USH2A: variants seen among roughly 807,000 people sequenced by gnomAD.
The protein encoded by USH2A is usherin.
In USH2A, 443 loss-of-function variants were observed where a neutral mutation model predicts 538.9. The observed-to-expected ratio is 0.82, with a 90% CI of 0.76 to 0.89. The LOEUF (loss-of-function observed/expected upper bound fraction) is 0.89, where lower values mean the gene tolerates loss of function less well. Ranked by LOEUF, USH2A falls within the 40% of genes least tolerant of loss-of-function variation. The probability of loss-of-function intolerance (pLI) is 0.00; values close to 1 mark genes in which losing one functional copy is unlikely to be tolerated. For synonymous variants in USH2A, 2,413 were observed against 2,273.5 expected (o/e 1.06, Z -1.75); for missense variants, 6,633 against 6,324.8 (o/e 1.05, Z -1.65).
intron 11 of USH2A, among the ~76,000 whole-genome samples, chr1:216,288,235 G>A (rs908057251): frequency 6.6e-6 from 1 of 152,090 alleles, no homozygotes; most frequent in Non-Finnish European, 1.5e-5. Flanking sequence ...ATGGAAAACT[G>A]TAGTATGACT....
Position 215,850,223 on chromosome 1 carries a change from T to G in USH2A, c.8846-4190A>C, listed in dbSNP as rs1434239537. 2.0e-5 allele frequency among the ~76,000 whole-genome samples: 3 copies of G among 152,092 alleles called. No individual in the cohort carries two copies. In the East Asian group the frequency reaches 5.8e-4, roughly 29 times the overall value. ...CAAGAAAAGTAACAGCATATTAAGT[T>G]CTTTATTACATATAAAATAGAATGG... On this transcript the variant is annotated intron_variant, in intron 44 of 71. Transcript: ENST00000307340.
chr1:215,782,278 G>T, intron 53 of USH2A, 82 bp from the exon 54 acceptor site: 1 of 1,444,300 alleles, frequency 6.9e-7, no homozygotes, highest in Admixed American at 1.7e-5. Context: ...CTTAGTGTTC[G>T]GAAGAAATGC....
intron 24 of USH2A, among the ~76,000 whole-genome samples, chr1:216,085,861 C>T (rs995445421): frequency 2.6e-5 from 4 of 152,092 alleles, no homozygotes; most frequent in East Asian, 3.9e-4. Context: ...CAACTATATC[C>T]TTCTCCTAAA....
chr1:215,988,467 T>C (rs149580926), intron 35 of USH2A, among the ~76,000 whole-genome samples: 1 of 152,350 alleles, frequency 6.6e-6, no homozygotes, highest in East Asian at 1.9e-4. Context: ...ACCTCGTAGC[T>C]ACCGTGAATA....
intron 3 of USH2A, among the ~76,000 whole-genome samples, chr1:216,368,336 C>T (rs551925321): frequency 1.3e-5 from 2 of 152,128 alleles, no homozygotes; most frequent in African/African-American, 4.8e-5. Context: ...AAAATAGAAT[C>T]GAGTCCACCT....
intron 61 of USH2A, among the ~76,000 whole-genome samples, chr1:215,702,908 T>G (rs1441537455): frequency 1.3e-5 from 2 of 152,232 alleles, no homozygotes; most frequent in African/African-American, 4.8e-5. Flanking sequence ...TTTTGGAATT[T>G]TCAGCCTTTT....
rs1464976992 is a variant in USH2A, at chr1:215,759,915, C to G, written c.11048-72G>C. 2.6e-6 allele frequency: 4 copies of G among 1,557,822 alleles called. No individual in the cohort carries two copies. In the Admixed American group the frequency reaches 6.7e-5, roughly 26 times the overall value. On this transcript the variant is annotated intron_variant, in intron 56 of 71. Transcript: ENST00000307340. Reference sequence around the variant, plus strand: ...CAGTGTATCAAAAGTCACACCATCCCCCCCATGAACTGTGATATTTTTTCT... The same window carrying G: ...CAGTGTATCAAAAGTCACACCATCCGCCCCATGAACTGTGATATTTTTTCT...
At chr1:215,824,835 G>A (rs375483344) in intron 47 of USH2A, among the ~76,000 whole-genome samples, 50 of 152,254 alleles carry the variant, frequency 3.3e-4, no homozygotes, top group Non-Finnish European at 5.9e-4. Context: ...TTCCACAAGC[G>A]TGGTGCTGAA....
chr1:216,387,959 C>G (rs1455906207), intron 3 of USH2A, among the ~76,000 whole-genome samples: 1 of 152,122 alleles, frequency 6.6e-6, no homozygotes, highest in Non-Finnish European at 1.5e-5. Context: ...TTCTAACCCT[C>G]TCTTTTGTCC....
chr1:215,863,988 C>T (rs979931775), intron 44 of USH2A, among the ~76,000 whole-genome samples: 1 of 152,092 alleles, frequency 6.6e-6, no homozygotes, highest in South Asian at 2.1e-4. Context: ...TTTTACAAAG[C>T]ATTGCCCTCT....
chr1:215,930,822 G>C (rs1558167258), intron 38 of USH2A, among the ~76,000 whole-genome samples: 1 of 151,856 alleles, frequency 6.6e-6, no homozygotes, highest in Non-Finnish European at 1.5e-5. Context: ...AGGGGTAAAG[G>C]CCATAGGAAA....
At chr1:215,853,484 C>G (rs1435968867) in intron 44 of USH2A, among the ~76,000 whole-genome samples, 1 of 152,204 alleles carries the variant, frequency 6.6e-6, no homozygotes, top group Non-Finnish European at 1.5e-5. Flanking sequence ...TAACATTTGG[C>G]TCCTCATTAC....
At chr1:215,626,642 A>T (rs969477574) in intron 71 of USH2A, among the ~76,000 whole-genome samples, 2 of 152,158 alleles carry the variant, frequency 1.3e-5, no homozygotes. Context: ...CATTATTAGT[A>T]CCGTAAAAAG....
chr1:215,996,560 G>GTT lies in USH2A; in HGVS notation c.6657+2325_6657+2326dup, dbSNP rs753233925. 7.2e-4 allele frequency among the ~76,000 whole-genome samples: 37 copies of GTT among 51,718 alleles called. 3 individuals carry two copies. Among genetic ancestry groups the GTT allele is most frequent in the Non-Finnish European group, 7.8e-4 (25 of 31,968 alleles). 33.9% of individuals were successfully genotyped at this position (51,718 alleles called of 152,430 possible). A position where few individuals can be genotyped will look rare whatever the true frequency, so the allele number is the denominator to read the frequency against. ...TTTGTTGAGAGTAGCAACATATTAT[G>GTT]TTTTTTTTTTTTTTTTTTTTTTTTT... On this transcript the variant is annotated intron_variant, in intron 34 of 71. Coordinates refer to ENST00000307340, the MANE Select transcript of USH2A (RefSeq NM_206933.4).
intron 62 of USH2A, among the ~76,000 whole-genome samples, chr1:215,676,779 A>AT (rs1553252629): frequency 6.6e-6 from 1 of 151,536 alleles, no homozygotes; most frequent in Non-Finnish European, 1.5e-5. Flanking sequence ...AGCCTCTGTG[A>AT]CCCCCCAAGC....
intron 21 of USH2A, among the ~76,000 whole-genome samples, chr1:216,098,221 T>C (rs2032492927): frequency 6.6e-6 from 1 of 152,212 alleles, no homozygotes; most frequent in South Asian, 2.1e-4. Flanking sequence ...TGTATAAGGC[T>C]TTTTGCTTAA....
At chr1:216,029,709 A>G (rs1669046766) in intron 32 of USH2A, among the ~76,000 whole-genome samples, 1 of 151,842 alleles carries the variant, frequency 6.6e-6, no homozygotes, top group Non-Finnish European at 1.5e-5. Context: ...CGTCCAGAAA[A>G]TAGTAGTTAT....
intron 66 of USH2A, among the ~76,000 whole-genome samples, 173 bp from the exon 67 acceptor site, chr1:215,647,903 T>C (rs1273697525): frequency 1.3e-5 from 2 of 152,196 alleles, no homozygotes; most frequent in African/African-American, 4.8e-5. Flanking sequence ...GTAATGCTAT[T>C]GGAAACGAGC....
chr1:215,938,457 GT>G (rs1370782805), intron 37 of USH2A, among the ~76,000 whole-genome samples: 2 of 152,134 alleles, frequency 1.3e-5, no homozygotes, highest in African/African-American at 2.4e-5. Context: ...GGTTCCTCTT[GT>G]TGAGATGGTT....
Sources: allele counts gnomAD v4.1 joint callset (sites outside exome capture counted in the v4.1 genomes callset), GRCh38; gene constraint gnomAD v4.1.1; transcripts MANE v1.5; gene names NCBI Gene and HGNC (gene_info 2026-07-23, HGNC 2026-07-21).